Variants in FARS2 observed in about 807,000 individuals in gnomAD.
FARS2 encodes the protein phenylalanine--tRNA ligase, mitochondrial.
A neutral mutation model predicts 46.4 loss-of-function variants in FARS2; 40 were observed. The ratio of observed to expected loss-of-function variants is 0.86; its 90% CI spans 0.67 to 1.12. The LOEUF (loss-of-function observed/expected upper bound fraction) is 1.12, where lower values mean the gene tolerates loss of function less well. FARS2 is among the 50% of genes most tolerant of loss of function. FARS2 has a pLI of 0.00. For missense variants in FARS2, 513 were observed against 567.9 expected (o/e 0.90, Z 0.98); for synonymous variants, 234 against 214.9 (o/e 1.09, Z -0.78).
At chr6:5,589,506 A>G (rs749068308) in intron 5 of FARS2, among the ~76,000 whole-genome samples, 2 of 152,166 alleles carry the variant, frequency 1.3e-5, no homozygotes, top group Admixed American at 6.5e-5. Flanking sequence ...GACAGCAAGA[A>G]CCCTGCAGCT....
At chr6:5,381,881 A>C (rs1465042641) in intron 2 of FARS2, among the ~76,000 whole-genome samples, 1 of 152,206 alleles carries the variant, frequency 6.6e-6, no homozygotes. Flanking sequence ...CCAAGGGAAA[A>C]GTGGAAAGTC....
At chr6:5,531,497 G>A (rs527459003) in intron 4 of FARS2, among the ~76,000 whole-genome samples, 28 of 152,256 alleles carry the variant, frequency 1.8e-4, no homozygotes, top group Middle Eastern at 3.4e-3. Flanking sequence ...AAAGTTTTTT[G>A]CAGTAAGTTG....
At chr6:5,618,033 C>G (rs1775564502) in intron 6 of FARS2, among the ~76,000 whole-genome samples, 1 of 152,198 alleles carries the variant, frequency 6.6e-6, no homozygotes, top group Admixed American at 6.5e-5. Context: ...CATAAGATTT[C>G]TCTCGTAACT....
intron 1 of FARS2, among the ~76,000 whole-genome samples, chr6:5,295,190 A>G (rs1365192585): frequency 6.6e-6 from 1 of 152,214 alleles, no homozygotes; most frequent in Non-Finnish European, 1.5e-5. Context: ...ACACCAAGCT[A>G]TGTGCCGTCA....
chr6:5,412,438 T>C (rs552312588), intron 3 of FARS2, among the ~76,000 whole-genome samples: 2 of 152,358 alleles, frequency 1.3e-5, no homozygotes, highest in Admixed American at 1.3e-4. Flanking sequence ...TCCACACGTG[T>C]TGATTCCCTT....
intron 1 of FARS2, among the ~76,000 whole-genome samples, chr6:5,269,851 A>C (rs1033301153): frequency 4.6e-5 from 7 of 152,156 alleles, no homozygotes; most frequent in African/African-American, 1.4e-4. Flanking sequence ...AGAATTCATG[A>C]TTTCTTTGGT....
chr6:5,589,023 A>G (rs1773773007), intron 5 of FARS2, among the ~76,000 whole-genome samples: 1 of 152,182 alleles, frequency 6.6e-6, no homozygotes, highest in African/African-American at 2.4e-5. Context: ...GCTAATTCAG[A>G]CTTAAAGAGA....
At chr6:5,573,469 G>T (rs767179683) in intron 5 of FARS2, among the ~76,000 whole-genome samples, 1 of 152,188 alleles carries the variant, frequency 6.6e-6, no homozygotes, top group Non-Finnish European at 1.5e-5. Context: ...GCTGAATGGT[G>T]TAGGTATTAT....
chr6:5,307,566 C>A (rs938755640), intron 1 of FARS2, among the ~76,000 whole-genome samples: 1 of 152,186 alleles, frequency 6.6e-6, no homozygotes, highest in African/African-American at 2.4e-5. Context: ...CACTAGTAAT[C>A]TCAAATGTAC....
At chr6:5,609,104 G>A (rs1021278387) in intron 5 of FARS2, 1 of 643,212 alleles carries the variant, frequency 1.6e-6, no homozygotes, top group Non-Finnish European at 2.9e-6. Context: ...TCTAAAATAT[G>A]TCTTCTTTGT....
chr6:5,574,847 C>A (rs1485264212), intron 5 of FARS2, among the ~76,000 whole-genome samples: 1 of 152,108 alleles, frequency 6.6e-6, no homozygotes, highest in African/African-American at 2.4e-5. Context: ...ATAACGAAAC[C>A]TGTACATACT....
At chr6:5,531,249 C>T (rs554039950) in intron 4 of FARS2, among the ~76,000 whole-genome samples, 1 of 152,310 alleles carries the variant, frequency 6.6e-6, no homozygotes, top group African/African-American at 2.4e-5. Context: ...GAGTCAAGCC[C>T]CTGCAGGGGG....
intron 2 of FARS2, among the ~76,000 whole-genome samples, chr6:5,379,669 AATTTGGGAGACTTGTCTTGT>A (rs1229449513): frequency 1.3e-5 from 2 of 152,040 alleles, no homozygotes; most frequent in Non-Finnish European, 2.9e-5. Flanking sequence ...GGGGAAAGTT[AATTTGGGAGACTTGTCTTGT>A]GGGAAGCACT....
intron 3 of FARS2, among the ~76,000 whole-genome samples, chr6:5,405,909 C>T (rs1030440671): frequency 5.3e-5 from 8 of 152,208 alleles, no homozygotes; most frequent in Non-Finnish European, 1.2e-4. Flanking sequence ...ACAGCAAAAA[C>T]ATTAACAGTA....
intron 5 of FARS2, chr6:5,609,881 C>T: frequency 1.0e-6 from 1 of 995,672 alleles, no homozygotes; most frequent in Non-Finnish European, 1.6e-6. Context: ...CCAACAAATG[C>T]CTTTTTCACA....
chr6:5,294,331 G>A (rs1035007823), intron 1 of FARS2, among the ~76,000 whole-genome samples: 2 of 152,196 alleles, frequency 1.3e-5, no homozygotes, highest in African/African-American at 4.8e-5. Context: ...AGAATGATGT[G>A]TATGTGGTGG....
At chr6:5,333,057 T>A (rs1423273190) in intron 1 of FARS2, among the ~76,000 whole-genome samples, 1 of 152,258 alleles carries the variant, frequency 6.6e-6, no homozygotes, top group Non-Finnish European at 1.5e-5. Flanking sequence ...ATTGGTAACC[T>A]CTAAAGTGTA....
At chr6:5,694,722 G>A (rs1378364197) in intron 6 of FARS2, among the ~76,000 whole-genome samples, 3 of 151,880 alleles carry the variant, frequency 2.0e-5, no homozygotes, top group African/African-American at 7.3e-5. Flanking sequence ...GCCATGTAAC[G>A]GCCAGGTGCA....
At chr6:5,329,148 T>G (rs1334989847) in intron 1 of FARS2, among the ~76,000 whole-genome samples, 1 of 151,702 alleles carries the variant, frequency 6.6e-6, no homozygotes, top group Non-Finnish European at 1.5e-5. Context: ...AAAAAGAAAC[T>G]GTGGCTACCA....
Sources: allele counts gnomAD v4.1 joint callset (sites outside exome capture counted in the v4.1 genomes callset), GRCh38; gene constraint gnomAD v4.1.1; transcripts MANE v1.5; gene names NCBI Gene and HGNC (gene_info 2026-07-23, HGNC 2026-07-21).